The following MGRN1 variants were observed in gnomAD, a reference collection of about 807,000 sequenced individuals.
The protein encoded by MGRN1 is E3 ubiquitin-protein ligase MGRN1.
Under a neutral mutation model 69.2 loss-of-function variants are expected in MGRN1, and 29 were observed. That is an observed-to-expected ratio of 0.42 (90% confidence interval 0.31 to 0.57). The LOEUF is 0.57. MGRN1 is among the 20% of genes least tolerant of loss of function. The pLI, the probability that MGRN1 is intolerant of heterozygous loss-of-function variation, is 0.15. For missense variants in MGRN1, 998 were observed against 796.2 expected (o/e 1.25, Z -3.05); for synonymous variants, 470 against 344.2 (o/e 1.37, Z -4.04).
intron 8 of MGRN1, among the ~76,000 whole-genome samples, chr16:4,668,528 C>T (rs2078858939): frequency 6.6e-6 from 1 of 151,922 alleles, no homozygotes; most frequent in Admixed American, 6.6e-5. Flanking sequence ...CATAAACACA[C>T]AGACACACAC....
chr16:4,661,376 CCCT>C (rs1396763575), intron 5 of MGRN1, among the ~76,000 whole-genome samples: 1 of 152,238 alleles, frequency 6.6e-6, no homozygotes, highest in Non-Finnish European at 1.5e-5. Context: ...TTCTCCTGCA[CCCT>C]CCAGCCCTCT....
At chr16:4,646,702 C>T (rs1478285609) in intron 1 of MGRN1, among the ~76,000 whole-genome samples, 1 of 152,220 alleles carries the variant, frequency 6.6e-6, no homozygotes, top group African/African-American at 2.4e-5. Flanking sequence ...AGTGTGGGTG[C>T]AGTCTGCCCA....
At chr16:4,670,792 G>T (rs2078921681) in intron 8 of MGRN1, among the ~76,000 whole-genome samples, 1 of 152,216 alleles carries the variant, frequency 6.6e-6, no homozygotes, top group Non-Finnish European at 1.5e-5. Context: ...TGATGGTCAG[G>T]GCCTTGTGTT....
intron 5 of MGRN1, among the ~76,000 whole-genome samples, chr16:4,658,251 T>G (rs2078597533): frequency 6.6e-6 from 1 of 151,252 alleles, no homozygotes; most frequent in Admixed American, 6.6e-5. Context: ...ACAGACCTTG[T>G]GTGGCCGGGC....
At chr16:4,647,583 A>G (rs927811821) in intron 1 of MGRN1, among the ~76,000 whole-genome samples, 4 of 152,164 alleles carry the variant, frequency 2.6e-5, no homozygotes, top group African/African-American at 9.7e-5. Flanking sequence ...TGTATTCACA[A>G]TTTGTGTTGC....
chr16:4,686,499 G>A (rs1159123065), intron 16 of MGRN1: 10 of 1,387,110 alleles, frequency 7.2e-6, no homozygotes, highest in Non-Finnish European at 9.3e-6. Flanking sequence ...TGGCCTCCTG[G>A]GGGGTCCTGA....
chr16:4,661,470 C>T (rs947933913), intron 5 of MGRN1, among the ~76,000 whole-genome samples: 1 of 152,252 alleles, frequency 6.6e-6, no homozygotes, highest in Admixed American at 6.5e-5. Flanking sequence ...GTTCTGCCAG[C>T]CACAGCACTT....
chr16:4,651,277 A>G (rs2078401237), intron 2 of MGRN1, among the ~76,000 whole-genome samples: 2 of 152,198 alleles, frequency 1.3e-5, no homozygotes, highest in East Asian at 3.8e-4. Flanking sequence ...TTCAGCACAC[A>G]TGTGGCACCT....
intron 10 of MGRN1, among the ~76,000 whole-genome samples, chr16:4,674,388 A>T (rs2079007642): frequency 6.6e-6 from 1 of 151,448 alleles, no homozygotes; most frequent in African/African-American, 2.4e-5. Flanking sequence ...TCCCGGGTTT[A>T]AGTGATTCTC....
At chr16:4,636,203 C>T (rs1019300475) in intron 1 of MGRN1, among the ~76,000 whole-genome samples, 1 of 152,116 alleles carries the variant, frequency 6.6e-6, no homozygotes, top group African/African-American at 2.4e-5. Flanking sequence ...TACCGGCCCC[C>T]AGAGGCCCCC....
chr16:4,665,723 G>A (rs1409959221), intron 7 of MGRN1, among the ~76,000 whole-genome samples: 2 of 145,028 alleles, frequency 1.4e-5, no homozygotes, highest in Admixed American at 7.0e-5. Flanking sequence ...AGGCTGGAGT[G>A]CAGTGGTGGG....
chr16:4,680,292 C>G, intron 12 of MGRN1, 195 bp downstream of exon 12: 1 of 578,004 alleles, frequency 1.7e-6, no homozygotes, highest in Admixed American at 3.4e-5. Flanking sequence ...GGGCGAAACG[C>G]CAGGTGCGCT....
intron 1 of MGRN1, among the ~76,000 whole-genome samples, chr16:4,632,962 A>G (rs2141828508): frequency 6.6e-6 from 1 of 152,282 alleles, no homozygotes; most frequent in African/African-American, 2.4e-5. Flanking sequence ...GTCCACCTTT[A>G]GTCCTAGCTA....
At chr16:4,642,514 TG>T (rs1176212238) in intron 1 of MGRN1, among the ~76,000 whole-genome samples, 2 of 146,880 alleles carry the variant, frequency 1.4e-5, no homozygotes, top group Admixed American at 6.7e-5. Context: ...TTAGTAGAGA[TG>T]GGGGTTTCAC....
intron 1 of MGRN1, among the ~76,000 whole-genome samples, chr16:4,638,736 A>G (rs527470637): frequency 6.6e-6 from 1 of 152,354 alleles, no homozygotes; most frequent in Non-Finnish European, 1.5e-5. Flanking sequence ...ACTGGTAAGC[A>G]GGAACACCTG....
intron 3 of MGRN1, 50 bp downstream of exon 3, chr16:4,652,101 T>C: frequency 1.3e-6 from 2 of 1,567,966 alleles, no homozygotes; most frequent in Non-Finnish European, 1.7e-6. Flanking sequence ...GGGCGCAGCC[T>C]GTGGTGGAGG....
intron 5 of MGRN1, among the ~76,000 whole-genome samples, chr16:4,660,323 G>A (rs1005559476): frequency 5.3e-5 from 8 of 152,246 alleles, no homozygotes; most frequent in African/African-American, 1.9e-4. Context: ...TCCGTGATCA[G>A]CATGCAAAGG....
intron 8 of MGRN1, among the ~76,000 whole-genome samples, chr16:4,671,121 G>A (rs1272947926): frequency 6.6e-6 from 1 of 152,064 alleles, no homozygotes; most frequent in African/African-American, 2.4e-5. Context: ...TGGTGAGGCG[G>A]TCAGGGGGTG....
At chr16:4,654,542 A>C (rs932966607) in intron 4 of MGRN1, among the ~76,000 whole-genome samples, 2 of 152,218 alleles carry the variant, frequency 1.3e-5, no homozygotes, top group Admixed American at 1.3e-4. Context: ...GCCTTCCTGC[A>C]CTGGAGCACA....
Sources: allele counts gnomAD v4.1 joint callset (sites outside exome capture counted in the v4.1 genomes callset), GRCh38; gene constraint gnomAD v4.1.1; transcripts MANE v1.5; gene names NCBI Gene and HGNC (gene_info 2026-07-23, HGNC 2026-07-21).